SUGCT: variants seen among roughly 807,000 people sequenced by gnomAD.
SUGCT encodes the protein succinyl-CoA:glutarate-CoA transferase, also known as succinyl-CoA:glutarate CoA-transferase.
SUGCT carries 41 observed loss-of-function variants against 55.0 expected under a neutral mutation model. The observed-to-expected ratio is 0.74, with a 90% CI of 0.58 to 0.97. The LOEUF (loss-of-function observed/expected upper bound fraction) is 0.97, where lower values mean the gene tolerates loss of function less well. SUGCT is among the 50% of genes least tolerant of loss of function. SUGCT has a pLI of 0.00. For missense variants in SUGCT, 568 were observed against 547.8 expected (o/e 1.04, Z -0.37); for synonymous variants, 187 against 200.4 (o/e 0.93, Z 0.56).
the SUGCT span, among the ~76,000 whole-genome samples, chr7:40,902,290 C>G: frequency 6.6e-6 from 1 of 152,042 alleles, no homozygotes; most frequent in Non-Finnish European, 1.5e-5. Context: ...TTAAAAAAAT[C>G]AAAACCAGCC....
At chr7:40,749,648 A>C (rs1787907354) in intron 13 of SUGCT, among the ~76,000 whole-genome samples, 151 bp downstream of exon 13, 1 of 152,196 alleles carries the variant, frequency 6.6e-6, no homozygotes, top group South Asian at 2.1e-4. Flanking sequence ...CTAGGACTGC[A>C]CTCACAAAAA....
intron 12 of SUGCT, among the ~76,000 whole-genome samples, chr7:40,541,956 A>G (rs114710008): frequency 0.01 from 1,593 of 152,222 alleles, 29 homozygotes; most frequent in African/African-American, 0.037. Flanking sequence ...ACTGGGGAGG[A>G]CAGGGAGCTG....
At chr7:40,638,613 A>G (rs1016761193) in intron 12 of SUGCT, among the ~76,000 whole-genome samples, 2 of 152,192 alleles carry the variant, frequency 1.3e-5, no homozygotes, top group African/African-American at 4.8e-5. Context: ...AGTACCCAAG[A>G]ATAATATGAA....
chr7:40,647,232 T>C lies in SUGCT; in HGVS notation c.1090-102202T>C, dbSNP rs147256174. On this transcript the variant is annotated intron_variant, in intron 12 of 13. Coordinates refer to ENST00000335693, the MANE Select transcript of SUGCT (RefSeq NM_001193313.2). ...ATATCAAAGAATATTGGGAAATATA[T>C]CAAACTTACCTGTGTATTTGGTAGG... Among the ~76,000 whole-genome samples the C allele has an allele frequency of 2.0e-3, 312 of 152,316 alleles. 3 individuals are homozygous for C. Among genetic ancestry groups the C allele is most frequent in the African/African-American group, 6.8e-3 (282 of 41,568 alleles).
At chr7:40,345,877 A>G (rs766742995) in intron 9 of SUGCT, among the ~76,000 whole-genome samples, 2 of 151,950 alleles carry the variant, frequency 1.3e-5, no homozygotes, top group Non-Finnish European at 2.9e-5. Context: ...ATCATTTTAT[A>G]TAGGACTTTT....
At chr7:40,677,602 T>C (rs1440432743) in intron 12 of SUGCT, among the ~76,000 whole-genome samples, 1 of 152,172 alleles carries the variant, frequency 6.6e-6, no homozygotes, top group East Asian at 1.9e-4. Flanking sequence ...GACAGCTTCC[T>C]CAGTAGACTC....
At chr7:40,148,610 C>T (rs1423908550) in intron 1 of SUGCT, among the ~76,000 whole-genome samples, 1 of 152,164 alleles carries the variant, frequency 6.6e-6, no homozygotes, top group Non-Finnish European at 1.5e-5. Context: ...CGCCATTGCA[C>T]TCCAGCCTGG....
At chr7:40,913,782 A>G in the SUGCT span, among the ~76,000 whole-genome samples, 4 of 152,166 alleles carry the variant, frequency 2.6e-5, no homozygotes, top group African/African-American at 4.8e-5. Context: ...GGGCAGCTCT[A>G]TCTGCAGTAT....
intron 12 of SUGCT, among the ~76,000 whole-genome samples, chr7:40,631,146 C>G (rs1296027350): frequency 6.6e-6 from 1 of 152,112 alleles, no homozygotes; most frequent in Non-Finnish European, 1.5e-5. Context: ...CATATGAAAA[C>G]AGGAGAGAGT....
intron 13 of SUGCT, among the ~76,000 whole-genome samples, chr7:40,815,491 T>G (rs1420934325): frequency 6.6e-6 from 1 of 151,966 alleles, no homozygotes; most frequent in Non-Finnish European, 1.5e-5. Flanking sequence ...CTGTTCCAGT[T>G]GGGTGGGTGA....
intron 9 of SUGCT, among the ~76,000 whole-genome samples, chr7:40,438,145 C>T (rs1330589619): frequency 6.6e-6 from 1 of 152,062 alleles, no homozygotes. Context: ...AAGCAAAGTC[C>T]CTGGGAAGGA....
chr7:40,158,396 A>G (rs1783998852), intron 1 of SUGCT, among the ~76,000 whole-genome samples: 1 of 152,258 alleles, frequency 6.6e-6, no homozygotes, highest in Non-Finnish European at 1.5e-5. Flanking sequence ...TTATTTCTAT[A>G]TGAAGAGACA....
At chr7:40,484,036 T>A (rs1791199580) in intron 11 of SUGCT, among the ~76,000 whole-genome samples, 1 of 152,152 alleles carries the variant, frequency 6.6e-6, no homozygotes, top group African/African-American at 2.4e-5. Context: ...GCTAAGCAAT[T>A]TACAACTACT....
chr7:40,307,665 G>T (rs1794911019), intron 8 of SUGCT, among the ~76,000 whole-genome samples: 1 of 152,200 alleles, frequency 6.6e-6, no homozygotes, highest in Non-Finnish European at 1.5e-5. Context: ...TGTGCAGTAA[G>T]TGTTAGCTTT....
At chr7:40,641,675 T>C (rs568112162) in intron 12 of SUGCT, among the ~76,000 whole-genome samples, 178 of 152,346 alleles carry the variant, frequency 1.2e-3, no homozygotes, top group Non-Finnish European at 2.1e-3. Flanking sequence ...ACTTGAGTTA[T>C]GGCCCATGGC....
At position 40,459,149 on chromosome 7, in the gene SUGCT, C is replaced by G; in HGVS notation, c.937C>G (p.His313Asp). 1 of 1,611,808 alleles carries G rather than the reference C, an allele frequency of 6.2e-7. No individual in the cohort carries two copies. The highest frequency in any genetic ancestry group is 8.5e-7 in the Non-Finnish European group (1 of 1,178,700). The change falls in exon 11 of 14, where the codon CAC becomes GAC. Residue 313 changes from histidine (H) to aspartate (D), a missense_variant. Physicochemically the swap from His to Asp is moderately conservative, Grantham distance 81. Coordinates refer to ENST00000335693, the MANE Select transcript of SUGCT (RefSeq NM_001193313.2). The stretch of plus-strand genomic sequence containing the variant: ...TGATAATTCCAAGTATAAAACTAAC[C>G]ACCTTCGGGTACACAATAGAAAAGA... ...LIDNSKYKTN[H>D]LRVHNRKELI...
the SUGCT span, among the ~76,000 whole-genome samples, chr7:40,885,141 G>A: frequency 7.2e-5 from 11 of 152,246 alleles, no homozygotes; most frequent in South Asian, 1.5e-3. Context: ...TAGTGGCCGA[G>A]GTTATGGTAT....
At chr7:40,600,791 G>A (rs2151752757) in intron 12 of SUGCT, among the ~76,000 whole-genome samples, 1 of 151,412 alleles carries the variant, frequency 6.6e-6, no homozygotes, top group East Asian at 2.0e-4. Context: ...TTCATATAAA[G>A]GGAGTAGATA....
chr7:40,746,723 C>T (rs1465638795), intron 12 of SUGCT, among the ~76,000 whole-genome samples: 3 of 152,204 alleles, frequency 2.0e-5, no homozygotes, highest in African/African-American at 4.8e-5. Context: ...AAAACTTTGA[C>T]GTATGTCCCT....
Sources: gnomAD v4.1 joint callset for allele counts (sites outside exome capture counted in the v4.1 genomes callset) on GRCh38, gnomAD v4.1.1 for gene constraint, MANE v1.5 for transcripts, NCBI Gene and HGNC (gene_info 2026-07-23, HGNC 2026-07-21) for gene names.